Variants in TAGAP observed in about 807,000 individuals in gnomAD.
TAGAP encodes the protein T-cell activation Rho GTPase-activating protein.
In TAGAP, 16 loss-of-function variants were observed where a neutral mutation model predicts 36.0. The observed-to-expected ratio is 0.44, with a 90% CI of 0.30 to 0.68. TAGAP has a LOEUF of 0.68. Among genes scored for constraint, TAGAP ranks in the 30% least tolerant of loss-of-function variants. TAGAP has a pLI of 0.09. For missense variants in TAGAP, 794 were observed against 921.5 expected, an observed-to-expected ratio of 0.86 and a Z score of 1.79; for synonymous variants, 372 against 377.4, an observed-to-expected ratio of 0.99 and a Z score of 0.17.
Position 159,043,997 on chromosome 6 carries a change from A to G in TAGAP, c.62T>C (p.Leu21Pro), listed in dbSNP as rs1224469590. 1 of 1,613,668 alleles carries G rather than the reference A, an allele frequency of 6.2e-7. No individual in the cohort carries two copies. Among genetic ancestry groups the G allele is most frequent in the Non-Finnish European group, 8.5e-7 (1 of 1,179,786 alleles). ...KTLNANNMET[L>P]IECQSEGDIK... ...TCTTACCTCTGATTGACATTCGATT[A>G]GTGTCTCCATATTATTGGCGTTTAG... Residue 21 changes from leucine to proline, a missense_variant, in exon 3 of 10, where the codon CTA becomes CCA. Transcript: ENST00000367066.
In TAGAP at chr6:159,037,421, T is replaced by G. The variant is rs1188246166; in HGVS notation, c.899-297A>C. 6.6e-6 allele frequency among the ~76,000 whole-genome samples: 1 copy of G among 152,176 alleles called. No individual in the cohort carries two copies. The highest frequency in any genetic ancestry group is 2.4e-5 in the African/African-American group (1 of 41,446). On this transcript the variant is annotated intron_variant, in intron 9 of 9. Transcript: ENST00000367066. The surrounding 1 kb of genome is among the most constrained non-coding windows in gnomAD (Gnocchi z 5.1). ...CTAGGCTGTTTTTGAACTCCTGATC[T>G]CAGGTAATCTGCCTGCCTTGGCCTC... is the stretch of plus-strand genomic sequence containing the variant.
Position 159,034,547 on chromosome 6 carries a change from A to G in TAGAP, c.*1280T>C, listed in dbSNP as rs1779460873. ...AGGAAAATTGAAGTCCAGCATCTCT[A>G]AGATACTGGATAAATATCTTAATAA... is the stretch of plus-strand genomic sequence containing the variant. On this transcript the variant is annotated 3_prime_UTR_variant, in exon 10 of 10. Transcript: ENST00000367066. The G allele has an allele frequency of 1.3e-5, 2 of 152,240 alleles. No individual in the cohort carries two copies. The highest frequency in any genetic ancestry group is 4.8e-5 in the African/African-American group (2 of 41,454). The allele number at this position is 152,240 out of a possible 1,614,324, so 9.4% of individuals were successfully genotyped here. A position where few individuals can be genotyped will look rare whatever the true frequency, so the allele number is the denominator to read the frequency against.
Position 159,036,974 on chromosome 6 carries a change from G to T in TAGAP, c.1049C>A (p.Ala350Asp), listed in dbSNP as rs148545546. 1.4e-3 allele frequency: 2,197 copies of T among 1,613,706 alleles called. 5 individuals carry two copies. Among genetic ancestry groups the T allele is most frequent in the Non-Finnish European group, 1.7e-3 (2,062 of 1,179,856 alleles). Residue 350 changes from alanine to aspartate, a missense_variant, in exon 10 of 10, where the codon GCC becomes GAC. Coordinates refer to ENST00000367066, the MANE Select transcript of TAGAP (RefSeq NM_054114.5). This position sits in a 1 kb window ranked among gnomAD's most constrained non-coding sequence, Gnocchi z 4.9. ...AGLDSAGPQD[A>D]REVSPEPIVS... is the part of the protein sequence containing the mutation. ...AATGGGCTCTGGGCTGACCTCTCGG[G>T]CATCCTGTGGGCCCGCGCTATCCAA...
rs149629779 is a variant in TAGAP at position 159,040,886 on chromosome 6, C to T, written c.478-54G>A. The T allele has an allele frequency of 2.8e-4, 403 of 1,418,214 alleles. 5 individuals carry two copies. In the East Asian group the frequency reaches 6.4e-3, roughly 22 times the overall value. The allele number at this position is 1,418,214 out of a possible 1,614,324, so 87.9% of individuals were successfully genotyped here. A position where few individuals can be genotyped will look rare whatever the true frequency, so the allele number is the denominator to read the frequency against. On this transcript the variant is annotated intron_variant, in intron 6 of 9. Coordinates refer to ENST00000367066, the MANE Select transcript of TAGAP (RefSeq NM_054114.5). Reference sequence around the variant, plus strand: ...ATTGGTACTGTATGATGTCCCATGTCCTTGTTTTCACCCGGTTTTCGTTCC... The same window carrying T: ...ATTGGTACTGTATGATGTCCCATGTTCTTGTTTTCACCCGGTTTTCGTTCC...
chr6:159,036,215 G>A lies in TAGAP; in HGVS notation c.1808C>T (p.Pro603Leu). 6.2e-7 allele frequency: 1 copy of A among 1,610,318 alleles called. No individual in the cohort carries two copies. Among genetic ancestry groups the A allele is most frequent in the East Asian group, 2.2e-5 (1 of 44,792 alleles). The change falls in exon 10 of 10, where the codon CCG becomes CTG. Residue 603 changes from proline to leucine, a missense_variant. Physicochemically the swap from Pro to Leu is moderately conservative, Grantham distance 98 (BLOSUM62 -3). Transcript: ENST00000367066. This position sits in a 1 kb window ranked among gnomAD's most constrained non-coding sequence, Gnocchi z 4.9. ...PPSYEEAMQG[P>L]AARLVASESQ... Reference sequence around the variant, plus strand: ...CTCGGAGGCCACTAGTCTGGCTGCCGGGCCCTGCATGGCCTCTTCATAAGA... The same window carrying A: ...CTCGGAGGCCACTAGTCTGGCTGCCAGGCCCTGCATGGCCTCTTCATAAGA...
At position 159,037,161 on chromosome 6, in the gene TAGAP, GGTTT is replaced by G; in HGVS notation, c.899-41_899-38del. On this transcript the variant is annotated intron_variant, in intron 9 of 9. Transcript: ENST00000367066. This position sits in a 1 kb window ranked among gnomAD's most constrained non-coding sequence, Gnocchi z 5.1. ...CAAGCAGCAGTTGAACATTTGTTTG[GGTTT>G]ATTTATTTATTTATTTTTATTTGTA... 6.7e-7 allele frequency: 1 copy of G among 1,491,404 alleles called. No individual in the cohort carries two copies. The highest frequency in any genetic ancestry group is 1.3e-5 in the South Asian group (1 of 77,090). The allele number at this position is 1,491,404 out of a possible 1,614,324, so 92.4% of individuals were successfully genotyped here. A position where few individuals can be genotyped will look rare whatever the true frequency, so the allele number is the denominator to read the frequency against.
Position 159,036,643 on chromosome 6 carries a change from G to A in TAGAP, c.1380C>T (p.Phe460=), listed in dbSNP as rs201570448. The A allele has an allele frequency of 1.2e-6, 2 of 1,614,184 alleles. No homozygotes were observed. Among genetic ancestry groups the A allele is most frequent in the East Asian group, 2.2e-5 (1 of 44,868 alleles). ...AGGACGCGTCCAGCGAGCTGCTGGA[G>A]AAGGCTTTGAGAACCAGTGCCCGCG... The part of the protein sequence containing the change: ...VLPRALVLKA[F]SSSSLDASSD... Residue 460 remains phenylalanine (F), a synonymous_variant, in exon 10 of 10, where the codon TTC becomes TTT. Transcript: ENST00000367066. This position sits in a 1 kb window ranked among gnomAD's most constrained non-coding sequence, Gnocchi z 4.9.
At chr6:159,040,946 T>C in intron 6 of TAGAP, 114 bp from the exon 7 acceptor site, 1 of 749,204 alleles carries the variant, frequency 1.3e-6, no homozygotes, top group South Asian at 1.7e-5. Flanking sequence ...CCATCATAGA[T>C]TGTGGCCCTT....
rs992859138 is a variant in TAGAP at position 159,041,429 on chromosome 6, C to T, written c.402G>A (p.Leu134=). The change falls in exon 6 of 10, where the codon CTG becomes CTA. Residue 134 remains leucine, a synonymous_variant. Transcript: ENST00000367066. The surrounding 1 kb of genome is among the most constrained non-coding windows in gnomAD (Gnocchi z 4.1). ...RAANEKARKE[L]KEELNSGDAV... is the part of the protein sequence containing the mutation. ...CATCCCCAGAGTTGAGCTCCTCCTT[C>T]AGCTCCTTACGGGCTTTCTCGTTGG... The T allele has an allele frequency of 1.2e-6, 2 of 1,614,110 alleles. No homozygotes were observed. The highest frequency in any genetic ancestry group is 2.7e-5 in the African/African-American group (2 of 74,926).
Position 159,035,833 on chromosome 6 carries a change from A to G in TAGAP, c.2190T>C (p.Tyr730=). ...ATGGCGTATGGCCTCCCTCCTAAAT[A>G]TACGATTCTTTGGCATATTGGAATT... is the stretch of plus-strand genomic sequence containing the variant. ...ADQFQYAKES[Y]I The change falls in exon 10 of 10, where the codon TAT becomes TAC. Residue 730 remains tyrosine, a synonymous_variant. Coordinates refer to ENST00000367066, the MANE Select transcript of TAGAP (RefSeq NM_054114.5). 1.3e-6 allele frequency: 2 copies of G among 1,596,422 alleles called. No individual in the cohort carries two copies.
In TAGAP at chr6:159,043,312, G is replaced by A. The variant is rs542028823; in HGVS notation, c.148+277C>T. Among the ~76,000 whole-genome samples, 75 of 152,208 alleles carry A rather than the reference G, an allele frequency of 4.9e-4. 1 individual carries two copies. Among genetic ancestry groups the A allele is most frequent in the Non-Finnish European group, 1.0e-3 (68 of 68,038 alleles). On this transcript the variant is annotated intron_variant, in intron 4 of 9. Transcript: ENST00000367066. ...CTGTGTGTTTTTCAAATGTGTGCATGCTAATTGTCGAAACATACATGGCCA... is the reference window on the plus strand; with the variant it reads ...CTGTGTGTTTTTCAAATGTGTGCATACTAATTGTCGAAACATACATGGCCA...
At chr6:159,038,845 A>G (rs561644738) in intron 8 of TAGAP, 1,001 of 1,293,886 alleles carry the variant, frequency 7.7e-4, no homozygotes, top group Admixed American at 1.5e-3. Context: ...AAACACAAAA[A>G]CAAAAGGGCT....
At position 159,037,906 on chromosome 6, in the gene TAGAP, A is replaced by G. The variant is rs1174638653; in HGVS notation, c.898+208T>C. On this transcript the variant is annotated intron_variant, in intron 9 of 9. Coordinates refer to ENST00000367066, the MANE Select transcript of TAGAP (RefSeq NM_054114.5). This position sits in a 1 kb window ranked among gnomAD's most constrained non-coding sequence, Gnocchi z 5.1. ...TGCGATGTACACTGGGAAGGGGGAA[A>G]GACTATCTGTGGTCTGAGGAGGCGC... is the stretch of plus-strand genomic sequence containing the variant. 6.6e-6 allele frequency among the ~76,000 whole-genome samples: 1 copy of G among 152,222 alleles called. No homozygotes were observed. Among genetic ancestry groups the G allele is most frequent in the Non-Finnish European group, 1.5e-5 (1 of 68,038 alleles).
rs528915180 is a variant in TAGAP, at chr6:159,041,045, A to G, written c.478-213T>C. ...TCTAACATCAGGCAGAGTCAGAGGC[A>G]CCATCCCCAGGTGGGTGTGTTCTGA... On this transcript the variant is annotated intron_variant, in intron 6 of 9. Transcript: ENST00000367066. This position sits in a 1 kb window ranked among gnomAD's most constrained non-coding sequence, Gnocchi z 4.1. 5.1e-6 allele frequency: 3 copies of G among 585,400 alleles called. No individual in the cohort carries two copies. Among genetic ancestry groups the G allele is most frequent in the African/African-American group, 1.9e-5 (1 of 53,628 alleles). 36.3% of individuals were successfully genotyped at this position (585,400 alleles called of 1,614,324 possible).
At chr6:159,044,088 C>T (rs780579660) in intron 2 of TAGAP, 32 bp downstream of exon 2, 47 of 1,613,584 alleles carry the variant, frequency 2.9e-5, no homozygotes, top group East Asian at 8.9e-5. Flanking sequence ...CTGTAGGAAA[C>T]GTGAATGAAT....
intron 1 of TAGAP, 85 bp downstream of exon 1, chr6:159,044,794 G>C (rs1439425723): frequency 2.5e-6 from 1 of 396,570 alleles, no homozygotes; most frequent in Non-Finnish European, 4.4e-6. Flanking sequence ...CGGGATAGCT[G>C]TTTTCTGTTG....
At chr6:159,042,037 A>G (rs370858095) in intron 5 of TAGAP, 41 bp downstream of exon 5, 40 of 1,579,034 alleles carry the variant, frequency 2.5e-5, no homozygotes, top group South Asian at 1.5e-4. Context: ...TGCATGTCCA[A>G]CTGAAAACTG....
intron 6 of TAGAP, 103 bp from the exon 7 acceptor site, chr6:159,040,935 C>A: frequency 2.4e-6 from 2 of 824,162 alleles, no homozygotes; most frequent in Admixed American, 2.2e-5. Context: ...CTATGCTTAG[C>A]CCATCATAGA....
chr6:159,039,429 T>C (rs1223649455), intron 7 of TAGAP, 120 bp from the exon 8 acceptor site: 1 of 1,056,310 alleles, frequency 9.5e-7, no homozygotes, highest in Non-Finnish European at 1.4e-6. Context: ...TTTTCACAAG[T>C]AATATTGTGA....
Sources: allele counts gnomAD v4.1 joint callset (sites outside exome capture counted in the v4.1 genomes callset), GRCh38; gene constraint gnomAD v4.1.1; non-coding constraint Gnocchi (gnomAD v3.1); transcripts MANE v1.5; gene names NCBI Gene and HGNC (gene_info 2026-07-23, HGNC 2026-07-21).